The following UBE3D variants were observed in gnomAD, a reference collection of about 807,000 sequenced individuals.
The protein encoded by UBE3D is ubiquitin protein ligase E3D.
Under a neutral mutation model 49.6 loss-of-function variants are expected in UBE3D, and 48 were observed. The observed-to-expected ratio is 0.97, with a 90% CI of 0.77 to 1.23. The LOEUF is 1.23. Among genes scored for constraint, UBE3D ranks in the 50% most tolerant of loss-of-function variants. UBE3D has a pLI of 0.00. For synonymous variants in UBE3D, 189 were observed against 174.2 expected (o/e 1.08, Z -0.67); for missense variants, 452 against 468.4 (o/e 0.96, Z 0.32).
chr6:82,914,902 G>A (rs1772803647), intron 9 of UBE3D, among the ~76,000 whole-genome samples: 1 of 120,428 alleles, frequency 8.3e-6, no homozygotes, highest in South Asian at 3.4e-4. Context: ...ATCCTGAGAG[G>A]ATAATGGAAA....
chr6:82,923,057 TAAC>T (rs764652023), intron 9 of UBE3D, among the ~76,000 whole-genome samples: 1 of 152,078 alleles, frequency 6.6e-6, no homozygotes, highest in African/African-American at 2.4e-5. Flanking sequence ...AGTCAGGAAA[TAAC>T]AAATGCTGGA....
chr6:82,927,439 T>C (rs572688421), intron 9 of UBE3D, among the ~76,000 whole-genome samples: 3 of 152,138 alleles, frequency 2.0e-5, no homozygotes, highest in South Asian at 4.1e-4. Context: ...ATCTATGGGT[T>C]GGGAATCTAG....
intron 8 of UBE3D, among the ~76,000 whole-genome samples, chr6:82,986,947 CTCTTCCTT>C (rs979774428): frequency 5.3e-5 from 8 of 151,644 alleles, no homozygotes; most frequent in African/African-American, 1.9e-4. Context: ...CTCCCTTCCT[CTCTTCCTT>C]CCTTCACAAG....
chr6:83,048,581 A>G (rs571095415), intron 3 of UBE3D, among the ~76,000 whole-genome samples: 2 of 152,350 alleles, frequency 1.3e-5, no homozygotes, highest in African/African-American at 4.8e-5. Flanking sequence ...AACTCACATT[A>G]ACACAAAATA....
At chr6:83,038,522 G>A (rs748793633) in intron 4 of UBE3D, 37 bp from the exon 5 acceptor site, 3 of 1,545,372 alleles carry the variant, frequency 1.9e-6, no homozygotes, top group Non-Finnish European at 2.7e-6. Flanking sequence ...ATGTCATTCA[G>A]CTTTTCTTAA....
At chr6:83,058,194 A>C (rs571518732) in intron 1 of UBE3D, among the ~76,000 whole-genome samples, 172 bp from the exon 2 acceptor site, 16 of 152,330 alleles carry the variant, frequency 1.1e-4, no homozygotes, top group Middle Eastern at 6.8e-3. Flanking sequence ...CCTACACTAG[A>C]TTTAGATCTG....
At position 82,935,440 on chromosome 6, in the gene UBE3D, T is replaced by C. The variant is rs116672720; in HGVS notation, c.1149+21872A>G. Among the ~76,000 whole-genome samples the C allele has an allele frequency of 7.0e-3, 1,072 of 152,124 alleles. 15 individuals are homozygous for C. The highest frequency in any genetic ancestry group is 0.025 in the African/African-American group (1,017 of 41,504). ...TTTGGATGGGGACAAATATTCAAAC[T>C]ACATCACCAATATATGTCTAATAGA... On this transcript the variant is annotated intron_variant, in intron 9 of 9. Transcript: ENST00000369747.
At chr6:82,970,032 A>G (rs548409241) in intron 8 of UBE3D, among the ~76,000 whole-genome samples, 1 of 149,786 alleles carries the variant, frequency 6.7e-6, no homozygotes, top group South Asian at 2.1e-4. Flanking sequence ...ACGTATTTCT[A>G]TGGTGTTTAC....
chr6:82,928,286 C>T (rs1773903124), intron 9 of UBE3D, among the ~76,000 whole-genome samples: 1 of 152,080 alleles, frequency 6.6e-6, no homozygotes, highest in South Asian at 2.1e-4. Flanking sequence ...AAAGTCAATT[C>T]CTGTCAACCA....
At chr6:82,992,530 A>C (rs1778964479) in intron 8 of UBE3D, among the ~76,000 whole-genome samples, 1 of 152,186 alleles carries the variant, frequency 6.6e-6, no homozygotes, top group African/African-American at 2.4e-5. Context: ...GCTGACATCC[A>C]TATTCTTTAG....
At chr6:82,974,221 CCCT>C (rs1016984949) in intron 8 of UBE3D, among the ~76,000 whole-genome samples, 33 of 152,222 alleles carry the variant, frequency 2.2e-4, no homozygotes, top group African/African-American at 7.2e-4. Context: ...CAAACCATCC[CCCT>C]ACCATCCTGG....
At chr6:82,993,127 A>T (rs970250524) in intron 8 of UBE3D, among the ~76,000 whole-genome samples, 1 of 151,944 alleles carries the variant, frequency 6.6e-6, no homozygotes. Context: ...GGGGGGAGAG[A>T]GAGAGAGAGA....
chr6:82,984,599 AG>A (rs1294679666), intron 8 of UBE3D, among the ~76,000 whole-genome samples: 2 of 152,190 alleles, frequency 1.3e-5, no homozygotes, highest in Non-Finnish European at 2.9e-5. Flanking sequence ...AATAAAGCCT[AG>A]GAGAGTTTCA....
At chr6:83,040,367 G>C (rs1382806746) in intron 4 of UBE3D, among the ~76,000 whole-genome samples, 1 of 142,052 alleles carries the variant, frequency 7.0e-6, no homozygotes, top group African/African-American at 2.7e-5. Flanking sequence ...CTGGGCAACA[G>C]AGCGAGACTG....
chr6:83,042,100 G>T (rs2127814884), intron 4 of UBE3D, among the ~76,000 whole-genome samples: 1 of 152,180 alleles, frequency 6.6e-6, no homozygotes, highest in South Asian at 2.1e-4. Context: ...AGGAGAGACA[G>T]GGTTTCACCA....
At chr6:82,975,341 A>T (rs1777638615) in intron 8 of UBE3D, among the ~76,000 whole-genome samples, 2 of 152,176 alleles carry the variant, frequency 1.3e-5, no homozygotes, top group African/African-American at 4.8e-5. Context: ...TTAAAAAAAT[A>T]AAGAACGGCA....
chr6:82,980,508 T>C (rs992538686), intron 8 of UBE3D, among the ~76,000 whole-genome samples: 2 of 152,080 alleles, frequency 1.3e-5, no homozygotes, highest in South Asian at 2.1e-4. Context: ...TTACAGATAT[T>C]TTCTCCCCTT....
chr6:83,050,483 T>G (rs1325324167), intron 3 of UBE3D, among the ~76,000 whole-genome samples: 1 of 152,182 alleles, frequency 6.6e-6, no homozygotes, highest in Non-Finnish European at 1.5e-5. Context: ...AGATCTTAAC[T>G]CTGTTCCCCT....
intron 8 of UBE3D, among the ~76,000 whole-genome samples, chr6:82,994,253 C>T (rs1438856696): frequency 6.6e-6 from 1 of 152,110 alleles, no homozygotes; most frequent in Non-Finnish European, 1.5e-5. Flanking sequence ...ATATATCAAT[C>T]CCCTACTTAC....
Sources: allele counts gnomAD v4.1 joint callset (sites outside exome capture counted in the v4.1 genomes callset), GRCh38; gene constraint gnomAD v4.1.1; transcripts MANE v1.5; gene names NCBI Gene and HGNC (gene_info 2026-07-23, HGNC 2026-07-21).